Variants in CNTNAP2 observed in about 807,000 individuals in gnomAD.
CNTNAP2 encodes contactin associated protein 2, also known as contactin-associated protein-like 2.
CNTNAP2 carries 98 observed loss-of-function variants against 155.2 expected under a neutral mutation model. The ratio of observed to expected loss-of-function variants is 0.63; its 90% CI spans 0.54 to 0.75. The LOEUF is 0.75. Ranked by LOEUF, CNTNAP2 falls within the 30% of genes least tolerant of loss-of-function variation. The pLI is 0.00. For synonymous variants in CNTNAP2, 651 were observed against 631.2 expected, an observed-to-expected ratio of 1.03 and a Z score of -0.47; for missense variants, 1,727 against 1,688.1, an observed-to-expected ratio of 1.02 and a Z score of -0.40.
At chr7:147,148,161 C>T (rs1017351930) in intron 8 of CNTNAP2, among the ~76,000 whole-genome samples, 67 of 151,850 alleles carry the variant, frequency 4.4e-4, no homozygotes, top group African/African-American at 1.4e-3. Context: ...GAGGCCGAGG[C>T]GGGCGGATCA....
chr7:146,293,866 TA>T (rs1180938713), intron 1 of CNTNAP2, among the ~76,000 whole-genome samples: 1 of 152,172 alleles, frequency 6.6e-6, no homozygotes, highest in African/African-American at 2.4e-5. Flanking sequence ...TTCCATAATG[TA>T]AAAGTGGTTC....
At chr7:147,321,811 G>C (rs1795356868) in intron 9 of CNTNAP2, among the ~76,000 whole-genome samples, 1 of 152,156 alleles carries the variant, frequency 6.6e-6, no homozygotes, top group South Asian at 2.1e-4. Flanking sequence ...AAGGCCTGGT[G>C]TCCACCACAG....
intron 13 of CNTNAP2, among the ~76,000 whole-genome samples, chr7:147,784,492 C>CT (rs1195410512): frequency 4.3e-4 from 22 of 51,696 alleles, no homozygotes; most frequent in African/African-American, 1.4e-3. Flanking sequence ...GGGCTCTGGA[C>CT]TAATATATAT....
intron 1 of CNTNAP2, among the ~76,000 whole-genome samples, chr7:146,611,753 C>A (rs534422658): frequency 7.6e-4 from 115 of 152,242 alleles, no homozygotes; most frequent in African/African-American, 2.7e-3. Context: ...TTTGGTATAA[C>A]TTTAGGCAAG....
intron 13 of CNTNAP2, among the ~76,000 whole-genome samples, chr7:147,686,300 A>G (rs996240925): frequency 6.6e-6 from 1 of 152,064 alleles, no homozygotes; most frequent in Non-Finnish European, 1.5e-5. Context: ...GCAAGGAAGA[A>G]GTTGCATTTA....
intron 21 of CNTNAP2, among the ~76,000 whole-genome samples, chr7:148,308,383 C>T (rs1797527120): frequency 6.6e-6 from 1 of 151,960 alleles, no homozygotes; most frequent in Admixed American, 6.6e-5. Flanking sequence ...TCAACAACTA[C>T]AGAAAGCTTA....
At chr7:147,358,414 A>T (rs1010742590) in intron 9 of CNTNAP2, among the ~76,000 whole-genome samples, 1 of 152,250 alleles carries the variant, frequency 6.6e-6, no homozygotes, top group Non-Finnish European at 1.5e-5. Context: ...AGTAGGTGTT[A>T]TTGTCACAGA....
At chr7:146,901,276 C>T (rs1427988360) in intron 3 of CNTNAP2, among the ~76,000 whole-genome samples, 1 of 152,034 alleles carries the variant, frequency 6.6e-6, no homozygotes, top group African/African-American at 2.4e-5. Flanking sequence ...CTATAATGCC[C>T]AATGAAGTTT....
intron 1 of CNTNAP2, among the ~76,000 whole-genome samples, chr7:146,345,483 T>A (rs1455895063): frequency 1.3e-5 from 2 of 152,196 alleles, no homozygotes; most frequent in African/African-American, 4.8e-5. Flanking sequence ...CCAAGGCAGA[T>A]AGAGCTTTTC....
chr7:148,353,018 G>A (rs1290635297), intron 21 of CNTNAP2, among the ~76,000 whole-genome samples: 3 of 152,156 alleles, frequency 2.0e-5, no homozygotes, highest in African/African-American at 4.8e-5. Flanking sequence ...TATAACTCAC[G>A]TTTGCTGAAA....
chr7:146,631,811 T>C (rs570214661), intron 1 of CNTNAP2, among the ~76,000 whole-genome samples: 10 of 152,162 alleles, frequency 6.6e-5, no homozygotes, highest in African/African-American at 1.2e-4. Flanking sequence ...ACAAACTCAC[T>C]TTACCAATCT....
At chr7:147,146,151 A>C (rs1801696888) in intron 8 of CNTNAP2, 1 of 152,194 alleles carries the variant, frequency 6.6e-6, no homozygotes, top group South Asian at 2.1e-4. Flanking sequence ...CATGAGAAAA[A>C]AATTGAGCGG....
intron 8 of CNTNAP2, among the ~76,000 whole-genome samples, chr7:147,213,221 T>C (rs1225725541): frequency 6.6e-6 from 1 of 152,126 alleles, no homozygotes; most frequent in Non-Finnish European, 1.5e-5. Flanking sequence ...AGAGGAGGGA[T>C]GTCCCAACTC....
intron 12 of CNTNAP2, among the ~76,000 whole-genome samples, chr7:147,566,471 T>C (rs1051211522): frequency 1.3e-5 from 2 of 152,092 alleles, no homozygotes; most frequent in South Asian, 4.2e-4. Flanking sequence ...TTCCCTGAGA[T>C]TGAGTAATTT....
intron 10 of CNTNAP2, among the ~76,000 whole-genome samples, chr7:147,427,050 A>G (rs10237518): frequency 0.23 from 34,764 of 152,006 alleles, 4,280 homozygotes; most frequent in African/African-American, 0.29. Context: ...TCGAGGCACC[A>G]GCAGGATTGG....
At chr7:147,409,659 A>G (rs952352986) in intron 10 of CNTNAP2, among the ~76,000 whole-genome samples, 3 of 152,170 alleles carry the variant, frequency 2.0e-5, no homozygotes, top group Admixed American at 2.0e-4. Context: ...CATCTGACAA[A>G]AGTCTAATAT....
At chr7:147,842,582 CTTTTCT>C (rs1407663554) in intron 13 of CNTNAP2, among the ~76,000 whole-genome samples, 8 of 55,166 alleles carry the variant, frequency 1.5e-4, no homozygotes, top group South Asian at 9.5e-4. Flanking sequence ...TTACTTTTTA[CTTTTCT>C]TTTTTTTTTT....
chr7:147,051,567 G>T (rs912728392), intron 4 of CNTNAP2, among the ~76,000 whole-genome samples: 91 of 152,148 alleles, frequency 6.0e-4, no homozygotes, highest in African/African-American at 2.1e-3. Context: ...CAGAAATTAG[G>T]GGTAAAGGAG....
At chr7:147,608,672 A>G (rs1264465499) in intron 12 of CNTNAP2, among the ~76,000 whole-genome samples, 1 of 152,166 alleles carries the variant, frequency 6.6e-6, no homozygotes. Flanking sequence ...CTGTTGGAAA[A>G]CAAAATGAAG....
Sources: gnomAD v4.1 joint callset for allele counts (sites outside exome capture counted in the v4.1 genomes callset) on GRCh38, gnomAD v4.1.1 for gene constraint, MANE v1.5 for transcripts, NCBI Gene and HGNC (gene_info 2026-07-23, HGNC 2026-07-21) for gene names.